TRHDE: variants seen among roughly 807,000 people sequenced by gnomAD.
The protein encoded by TRHDE is thyrotropin releasing hormone degrading enzyme, also known as thyrotropin-releasing hormone-degrading ectoenzyme.
In TRHDE, 72 loss-of-function variants were observed where a neutral mutation model predicts 125.7. That is an observed-to-expected ratio of 0.57 (90% CI 0.47 to 0.70). The LOEUF (loss-of-function observed/expected upper bound fraction) is 0.70, where lower values mean the gene tolerates loss of function less well. TRHDE is among the 30% of genes least tolerant of loss of function. The pLI is 0.00. For synonymous variants in TRHDE, 509 were observed against 509.1 expected (o/e 1.00, Z 0.00); for missense variants, 1,110 against 1,327.1 (o/e 0.84, Z 2.54).
chr12:72,356,346 C>T (rs969842342), intron 2 of TRHDE, among the ~76,000 whole-genome samples: 3 of 151,248 alleles, frequency 2.0e-5, no homozygotes, highest in Admixed American at 1.3e-4. Flanking sequence ...AACACATGGA[C>T]ACAGAGAGGG....
At chr12:72,260,732 G>T (rs1878931571) in intron 2 of TRHDE, among the ~76,000 whole-genome samples, 1 of 152,170 alleles carries the variant, frequency 6.6e-6, no homozygotes, top group African/African-American at 2.4e-5. Context: ...GGAGTAGTAA[G>T]GGCCAAGAAG....
At chr12:72,446,275 A>G (rs894743708) in intron 3 of TRHDE, among the ~76,000 whole-genome samples, 13 of 150,518 alleles carry the variant, frequency 8.6e-5, no homozygotes, top group Admixed American at 2.7e-4. Flanking sequence ...TACATTGGGT[A>G]TATCTCCTAA....
chr12:72,311,159 T>A (rs1388541913), intron 2 of TRHDE, among the ~76,000 whole-genome samples: 1 of 152,298 alleles, frequency 6.6e-6, no homozygotes, highest in East Asian at 1.9e-4. Context: ...TATGTCTCTT[T>A]GTGGTCAGTC....
At chr12:72,513,381 G>A (rs188729191) in intron 6 of TRHDE, among the ~76,000 whole-genome samples, 276 of 152,014 alleles carry the variant, frequency 1.8e-3, no homozygotes, top group Admixed American at 5.2e-3. Context: ...TATTTTCTCA[G>A]GTAAATATGT....
chr12:72,330,897 T>C (rs1192334369), intron 2 of TRHDE, among the ~76,000 whole-genome samples: 1 of 152,152 alleles, frequency 6.6e-6, no homozygotes, highest in Admixed American at 6.5e-5. Flanking sequence ...AACACAGGTA[T>C]CTGGGTCCCA....
At position 72,669,430 on chromosome 12, in the gene TRHDE, A is replaced by G. The variant is rs1233976829; in HGVS notation, c.*6235A>G. 1.3e-5 allele frequency: 2 copies of G among 151,828 alleles called. No homozygotes were observed. Among genetic ancestry groups the G allele is most frequent in the East Asian group, 3.9e-4 (2 of 5,164 alleles). The allele number at this position is 151,828 out of a possible 1,614,324, so 9.4% of individuals were successfully genotyped here. On this transcript the variant is annotated 3_prime_UTR_variant, in exon 19 of 19. Transcript: ENST00000261180. The stretch of plus-strand genomic sequence containing the variant: ...CAGAGGTCAACTTATTTCTCATCAC[A>G]CACATTTTTCTTATGTCATATAAGT...
Position 72,124,968 on chromosome 12 carries a change from A to T in TRHDE, n.279+19216A>T, listed in dbSNP as rs545448984. Reference sequence around the variant, plus strand: ...AAAGATATGAACTTTTTTCTTTTAAAGTTTTAGGTTTTTAAATGTTGAGTC... The same window carrying T: ...AAAGATATGAACTTTTTTCTTTTAATGTTTTAGGTTTTTAAATGTTGAGTC... On this transcript the variant is annotated intron_variant and non_coding_transcript_variant, in intron 2 of 4. Coordinates refer to the TRHDE transcript ENST00000548156. Among the ~76,000 whole-genome samples, 227 of 152,290 alleles carry T rather than the reference A, an allele frequency of 1.5e-3. 1 individual carries two copies. Among genetic ancestry groups the T allele is most frequent in the African/African-American group, 5.0e-3 (208 of 41,574 alleles).
At chr12:72,340,040 T>C (rs558613299) in intron 2 of TRHDE, among the ~76,000 whole-genome samples, 1 of 152,306 alleles carries the variant, frequency 6.6e-6, no homozygotes, top group East Asian at 1.9e-4. Context: ...GCAACTGCAT[T>C]GCAGGTCAGC....
intron 7 of TRHDE, among the ~76,000 whole-genome samples, chr12:72,546,019 T>G (rs1869398501): frequency 6.6e-6 from 1 of 151,598 alleles, no homozygotes; most frequent in African/African-American, 2.4e-5. Flanking sequence ...TACAGGGAAC[T>G]CAAACAAGGG....
intron 2 of TRHDE, chr12:72,256,393 T>G (rs1399969105): frequency 6.6e-6 from 1 of 152,174 alleles, no homozygotes; most frequent in Non-Finnish European, 1.5e-5. Flanking sequence ...ATACTTCACT[T>G]CCTGCAGATC....
chr12:72,628,514 A>T (rs1873352615), intron 15 of TRHDE, among the ~76,000 whole-genome samples: 1 of 151,900 alleles, frequency 6.6e-6, no homozygotes, highest in African/African-American at 2.4e-5. Context: ...AAATTTTGCA[A>T]GCTAATTTTT....
At chr12:72,108,655 G>A (rs1939516056) in intron 2 of TRHDE, among the ~76,000 whole-genome samples, 1 of 152,090 alleles carries the variant, frequency 6.6e-6, no homozygotes, top group Non-Finnish European at 1.5e-5. Context: ...ACAGGTATTT[G>A]CGAGAACCTG....
At chr12:72,587,075 T>A (rs909214798) in intron 12 of TRHDE, among the ~76,000 whole-genome samples, 1 of 152,168 alleles carries the variant, frequency 6.6e-6, no homozygotes, top group Non-Finnish European at 1.5e-5. Flanking sequence ...TGAGGGCAGA[T>A]CATGAATTTT....
chr12:72,248,317 C>T (rs532507647), intron 2 of TRHDE, among the ~76,000 whole-genome samples: 4 of 147,850 alleles, frequency 2.7e-5, no homozygotes, highest in African/African-American at 1.0e-4. Flanking sequence ...ACTCAGGGGG[C>T]TGAGGCAGGA....
chr12:72,227,757 G>C (rs1197558214), intron 2 of TRHDE, among the ~76,000 whole-genome samples: 2 of 152,180 alleles, frequency 1.3e-5, no homozygotes. Context: ...ATACAATGGG[G>C]GTACAGGCTT....
chr12:72,360,941 A>T (rs1871045348), intron 2 of TRHDE, among the ~76,000 whole-genome samples: 1 of 151,588 alleles, frequency 6.6e-6, no homozygotes. Context: ...CTAGGTATTA[A>T]AACCTGCATA....
At chr12:72,105,311 A>C (rs976127028) in intron 1 of TRHDE, among the ~76,000 whole-genome samples, 1 of 152,102 alleles carries the variant, frequency 6.6e-6, no homozygotes, top group African/African-American at 2.4e-5. Context: ...ATTAACGGAG[A>C]GATCACAGAG....
intron 2 of TRHDE, among the ~76,000 whole-genome samples, chr12:72,184,951 C>A (rs1231948280): frequency 6.6e-6 from 1 of 152,204 alleles, no homozygotes; most frequent in Non-Finnish European, 1.5e-5. Flanking sequence ...TCTGAAGAGC[C>A]CTTCAGCCCC....
At chr12:72,394,309 A>G (rs902928461) in intron 3 of TRHDE, among the ~76,000 whole-genome samples, 4 of 152,132 alleles carry the variant, frequency 2.6e-5, no homozygotes, top group African/African-American at 9.7e-5. Context: ...TAGGGCAGCA[A>G]GTATTTCTGC....
Sources: allele counts gnomAD v4.1 joint callset (sites outside exome capture counted in the v4.1 genomes callset), GRCh38; gene constraint gnomAD v4.1.1; transcripts MANE v1.5; gene names NCBI Gene and HGNC (gene_info 2026-07-23, HGNC 2026-07-21).